CSMD1: variants seen among roughly 807,000 people sequenced by gnomAD.
The protein encoded by CSMD1 is CUB and Sushi multiple domains 1, also known as CUB and sushi domain-containing protein 1.
A neutral mutation model predicts 417.5 loss-of-function variants in CSMD1; 213 were observed. That is an observed-to-expected ratio of 0.51 (90% CI 0.46 to 0.57). The LOEUF (loss-of-function observed/expected upper bound fraction) is 0.57. Among genes scored for constraint, CSMD1 ranks in the 20% least tolerant of loss-of-function variants. The pLI is 0.00. For synonymous variants in CSMD1, 2,862 were observed against 1,736.8 expected (o/e 1.65, Z -16.11); for missense variants, 6,923 against 4,529.7 (o/e 1.53, Z -15.17).
chr8:3,577,520 T>G (rs897144774), intron 9 of CSMD1, among the ~76,000 whole-genome samples: 5 of 152,214 alleles, frequency 3.3e-5, no homozygotes, highest in African/African-American at 1.2e-4. Context: ...AAATGAATAT[T>G]GGGAATATTC....
intron 50 of CSMD1, among the ~76,000 whole-genome samples, chr8:3,040,855 A>G (rs1012912294): frequency 5.9e-5 from 9 of 152,180 alleles, no homozygotes; most frequent in Admixed American, 2.6e-4. Flanking sequence ...TGTTTTGTCG[A>G]AAATAATCTG....
At position 3,161,250 on chromosome 8, in the gene CSMD1, T is replaced by C. The variant is rs931174383; in HGVS notation, c.5844+909A>G. On this transcript the variant is annotated intron_variant, in intron 38 of 69. Coordinates refer to ENST00000635120, the MANE Select transcript of CSMD1 (RefSeq NM_033225.6). ...TCATGGTTAAACTAGAAAATATTAATAATAAATAATAAGAGAAAAATGACT... is the reference window on the plus strand; with the variant it reads ...TCATGGTTAAACTAGAAAATATTAACAATAAATAATAAGAGAAAAATGACT... Among the ~76,000 whole-genome samples, 29 of 152,236 alleles carry C rather than the reference T, an allele frequency of 1.9e-4. No individual in the cohort carries two copies. In the East Asian group the frequency reaches 1.9e-3, roughly 10 times the overall value.
At chr8:3,234,992 C>G (rs1048371138) in intron 26 of CSMD1, among the ~76,000 whole-genome samples, 6 of 152,102 alleles carry the variant, frequency 3.9e-5, no homozygotes, top group Non-Finnish European at 7.4e-5. Context: ...AATGAACTTC[C>G]CATCTTCAAA....
chr8:3,899,167 G>T (rs969840136), intron 5 of CSMD1, among the ~76,000 whole-genome samples: 1 of 152,198 alleles, frequency 6.6e-6, no homozygotes, highest in African/African-American at 2.4e-5. Context: ...TACTGTCAAA[G>T]GTGCTTACGG....
At chr8:4,138,873 G>T (rs77552273) in intron 3 of CSMD1, among the ~76,000 whole-genome samples, 95 of 152,004 alleles carry the variant, frequency 6.2e-4, no homozygotes, top group African/African-American at 2.2e-3. Context: ...TATTTAATAG[G>T]AAGGTTAATT....
At chr8:3,800,021 G>A (rs150518213) in intron 5 of CSMD1, among the ~76,000 whole-genome samples, 4 of 152,216 alleles carry the variant, frequency 2.6e-5, no homozygotes, top group African/African-American at 9.6e-5. Context: ...AAAATCACTT[G>A]ACTTTTGAAC....
intron 5 of CSMD1, among the ~76,000 whole-genome samples, chr8:3,988,905 GT>G (rs1200817956): frequency 4.9e-4 from 75 of 152,272 alleles, no homozygotes; most frequent in Non-Finnish European, 9.3e-4. Flanking sequence ...TAAGATCAAT[GT>G]TTTAAAAGTT....
intron 12 of CSMD1, among the ~76,000 whole-genome samples, chr8:3,452,568 A>C (rs1317596523): frequency 1.3e-5 from 2 of 152,166 alleles, no homozygotes; most frequent in Non-Finnish European, 2.9e-5. Context: ...GCATCTATTG[A>C]GATAATCATG....
chr8:3,255,200 C>T (rs904819298), intron 26 of CSMD1, among the ~76,000 whole-genome samples: 16 of 152,014 alleles, frequency 1.1e-4, no homozygotes, highest in Admixed American at 2.6e-4. Context: ...TGGTGAACAG[C>T]GAATGTTGCT....
At chr8:3,501,784 C>G (rs1796611330) in intron 10 of CSMD1, among the ~76,000 whole-genome samples, 1 of 152,170 alleles carries the variant, frequency 6.6e-6, no homozygotes, top group South Asian at 2.1e-4. Context: ...TGCACACTTT[C>G]TTAGAAAATA....
intron 7 of CSMD1, among the ~76,000 whole-genome samples, chr8:3,643,019 A>G (rs1797383065): frequency 6.6e-6 from 1 of 152,126 alleles, no homozygotes; most frequent in Non-Finnish European, 1.5e-5. Flanking sequence ...GAAATTTTTC[A>G]AAATGCAGCA....
intron 3 of CSMD1, among the ~76,000 whole-genome samples, chr8:4,241,512 C>G (rs557556864): frequency 1.3e-5 from 2 of 152,166 alleles, no homozygotes; most frequent in African/African-American, 2.4e-5. Flanking sequence ...TCTGTGCCCC[C>G]AGGAGGGCAG....
In CSMD1 at chr8:3,142,455, T is replaced by C. The variant is rs186435797; in HGVS notation, c.6241+10A>G. ...AGATTTGGGTTTCGGTTCTCGTTGT[T>C]GTTCCATACCTTGGTAAGCAAGTTT... On this transcript the variant is annotated intron_variant, in intron 41 of 69. Coordinates refer to ENST00000635120, the MANE Select transcript of CSMD1 (RefSeq NM_033225.6). 52 of 1,609,414 alleles carry C rather than the reference T, an allele frequency of 3.2e-5. No homozygotes were observed. In the East Asian group the frequency reaches 8.3e-4, roughly 26 times the overall value.
chr8:4,700,387 G>T (rs1807447870), intron 1 of CSMD1, among the ~76,000 whole-genome samples: 1 of 151,912 alleles, frequency 6.6e-6, no homozygotes, highest in South Asian at 2.1e-4. Context: ...CTGATCATTT[G>T]CTATACTTTG....
intron 3 of CSMD1, among the ~76,000 whole-genome samples, chr8:4,301,789 T>C (rs1024258604): frequency 2.0e-5 from 3 of 152,220 alleles, no homozygotes; most frequent in African/African-American, 7.2e-5. Flanking sequence ...TTGTAAACTC[T>C]TGATTTTGCC....
At position 4,078,915 on chromosome 8, in the gene CSMD1, ATATATATATATATATATATATATATATG is replaced by A. The variant is rs879608089; in HGVS notation, c.416-46844_416-46817del. 7.2e-3 allele frequency among the ~76,000 whole-genome samples: 504 copies of A among 70,172 alleles called. 11 individuals are homozygous for A. The highest frequency in any genetic ancestry group is 0.028 in the Middle Eastern group (4 of 144). The allele number at this position is 70,172 out of a possible 152,430, so 46.0% of individuals were successfully genotyped here. A position where few individuals can be genotyped will look rare whatever the true frequency, so the allele number is the denominator to read the frequency against. On this transcript the variant is annotated intron_variant, in intron 3 of 69. Transcript: ENST00000635120. ...ATAATAAATATATATATATATATAT[ATATATATATATATATATATATATATATG>A]TATGTTGAAAAGCTATCTTCTCTTC...
At chr8:4,306,433 C>G (rs1363297748) in intron 3 of CSMD1, among the ~76,000 whole-genome samples, 2 of 152,124 alleles carry the variant, frequency 1.3e-5, no homozygotes, top group Non-Finnish European at 2.9e-5. Context: ...CGTGAAAGTT[C>G]AATTGATAAA....
At chr8:3,369,794 T>A (rs956060703) in intron 18 of CSMD1, among the ~76,000 whole-genome samples, 7 of 152,196 alleles carry the variant, frequency 4.6e-5, no homozygotes, top group African/African-American at 1.7e-4. Context: ...TTTTATGTAA[T>A]CATTTCAATG....
intron 5 of CSMD1, among the ~76,000 whole-genome samples, chr8:3,926,110 C>CAA (rs1554488661): frequency 1.3e-5 from 1 of 79,270 alleles, no homozygotes; most frequent in African/African-American, 5.4e-5. Flanking sequence ...CACACACACA[C>CAA]ACACACACAC....
Sources: gnomAD v4.1 joint callset for allele counts (sites outside exome capture counted in the v4.1 genomes callset) on GRCh38, gnomAD v4.1.1 for gene constraint, MANE v1.5 for transcripts, NCBI Gene and HGNC (gene_info 2026-07-23, HGNC 2026-07-21) for gene names.